Variants in PPIL4 observed in about 807,000 individuals in gnomAD.
PPIL4 encodes peptidylprolyl isomerase like 4.
In PPIL4, 50 loss-of-function variants were observed where a neutral mutation model predicts 69.1. That is an observed-to-expected ratio of 0.72 (90% CI 0.58 to 0.92). The LOEUF is 0.92. Among genes scored for constraint, PPIL4 ranks in the 40% least tolerant of loss-of-function variants. The pLI is 0.00. For missense variants in PPIL4, 480 were observed against 587.9 expected (o/e 0.82, Z 1.90); for synonymous variants, 193 against 191.6 (o/e 1.01, Z -0.06).
At chr6:149,513,857 G>C (rs1262339490) in intron 11 of PPIL4, among the ~76,000 whole-genome samples, 1 of 152,158 alleles carries the variant, frequency 6.6e-6, no homozygotes, top group African/African-American at 2.4e-5. Context: ...AAATATAAAA[G>C]AGTTACGATT....
chr6:149,510,941 G>A (rs1392199190), intron 12 of PPIL4, among the ~76,000 whole-genome samples: 1 of 151,968 alleles, frequency 6.6e-6, no homozygotes, highest in Non-Finnish European at 1.5e-5. Flanking sequence ...CAAAATGCCT[G>A]TGAAGTATTT....
At chr6:149,529,633 C>T (rs554592701) in intron 7 of PPIL4, among the ~76,000 whole-genome samples, 13 of 151,028 alleles carry the variant, frequency 8.6e-5, no homozygotes, top group Admixed American at 2.0e-4. Context: ...CGCGGTGGCA[C>T]GTGCCTGTAG....
chr6:149,534,884 A>C (rs1202613164), intron 5 of PPIL4, 110 bp from the exon 6 acceptor site: 4 of 607,806 alleles, frequency 6.6e-6, no homozygotes, highest in Admixed American at 3.3e-5. Context: ...GCCAAAAAAA[A>C]CCCATATTGC....
At chr6:149,513,385 C>G (rs1273852211) in intron 11 of PPIL4, among the ~76,000 whole-genome samples, 1 of 41,538 alleles carries the variant, frequency 2.4e-5, no homozygotes, top group Non-Finnish European at 3.4e-5. Flanking sequence ...GACTCAGTCT[C>G]AAAAAAAAAA....
intron 9 of PPIL4, among the ~76,000 whole-genome samples, chr6:149,523,288 T>TA (rs924796809): frequency 6.7e-6 from 1 of 149,910 alleles, no homozygotes; most frequent in African/African-American, 2.5e-5. Context: ...TCCTGTCCCT[T>TA]AAAAAACAAA....
chr6:149,505,736 CA>C, intron 12 of PPIL4, 32 bp from the exon 13 acceptor site: 1 of 1,586,678 alleles, frequency 6.3e-7, no homozygotes, highest in East Asian at 2.2e-5. Context: ...ACAAGTGAAT[CA>C]GTAAAATAAT....
chr6:149,519,989 T>C (rs561021560), intron 10 of PPIL4, among the ~76,000 whole-genome samples: 1 of 152,326 alleles, frequency 6.6e-6, no homozygotes, highest in Admixed American at 6.5e-5. Flanking sequence ...AGCAATGTAT[T>C]TGACATATAT....
At position 149,534,717 on chromosome 6, in the gene PPIL4, G is replaced by T. The variant is rs548452548; in HGVS notation, c.522C>A (p.Ile174=). Residue 174 remains isoleucine (I), a synonymous_variant, in exon 6 of 13, where the codon ATC becomes ATA. Coordinates refer to ENST00000253329, the MANE Select transcript of PPIL4 (RefSeq NM_139126.4). ...DPFDDPPDLL[I]PDRSPEPTRE... ...TTGTAGGTTCTGGTGATCGATCAGGGATTAATAAATCAGGAGGGTCATCAA... is the reference window on the plus strand; with the variant it reads ...TTGTAGGTTCTGGTGATCGATCAGGTATTAATAAATCAGGAGGGTCATCAA... 1.1e-4 allele frequency: 179 copies of T among 1,596,304 alleles called. 1 individual carries two copies. The South Asian group carries it at 1.8e-3, about 16-fold the overall frequency.
At position 149,526,652 on chromosome 6, in the gene PPIL4, CT is replaced by C; in HGVS notation, c.802del (p.Ser268ValfsTer39). On this transcript the variant is annotated frameshift_variant and splice_region_variant, in exon 8 of 13. Transcript: ENST00000253329. LOFTEE classifies it high-confidence loss of function. ...CTCTTTCACTAATTCTAAGGATTAC[CT>C]TCTTATTGGCCCAAATCTAGAGAAT... ...IIFSRFGPIR[S>X]CEVIRDWKTG... is the part of the protein sequence containing the mutation. 6.2e-7 allele frequency: 1 copy of C among 1,606,226 alleles called. No homozygotes were observed. The highest frequency in any genetic ancestry group is 2.2e-5 in the East Asian group (1 of 44,622).
chr6:149,529,625 C>G lies in PPIL4; in HGVS notation c.679-2849G>C, dbSNP rs182104945. Among the ~76,000 whole-genome samples, 946 of 147,238 alleles carry G rather than the reference C, an allele frequency of 6.4e-3. 12 individuals are homozygous for G. Among genetic ancestry groups the G allele is most frequent in the African/African-American group, 0.023 (900 of 39,820 alleles). Reference sequence around the variant, plus strand: ...AAAATACAAAATAATTAGCCGGGCGCGGTGGCACGTGCCTGTAGTCCCAGC... The same window carrying G: ...AAAATACAAAATAATTAGCCGGGCGGGGTGGCACGTGCCTGTAGTCCCAGC... On this transcript the variant is annotated intron_variant, in intron 7 of 12. Coordinates refer to ENST00000253329, the MANE Select transcript of PPIL4 (RefSeq NM_139126.4).
intron 12 of PPIL4, among the ~76,000 whole-genome samples, chr6:149,510,300 A>C (rs1027005720): frequency 4.6e-5 from 7 of 152,216 alleles, no homozygotes; most frequent in Admixed American, 6.5e-5. Flanking sequence ...AGTTACCCAC[A>C]GAGGGAAGAA....
In PPIL4 at chr6:149,535,652, A is replaced by C; in HGVS notation, c.408T>G (p.Ile136Met). 1 of 1,611,962 alleles carries C rather than the reference A, an allele frequency of 6.2e-7. No homozygotes were observed. Among genetic ancestry groups the C allele is most frequent in the Non-Finnish European group, 8.5e-7 (1 of 1,178,164 alleles). ...CAACAAAGGTCTCATTAATTTTCTT[A>C]ATTATGTCCATGCCTTCTGTCACCT... ...FGEVTEGMDI[I>M]KKINETFVDK... Residue 136 changes from isoleucine (I) to methionine (M), a missense_variant, in exon 5 of 13, where the codon ATT (isoleucine) becomes ATG (methionine). Ile to Met is a conservative substitution (Grantham distance 10). Coordinates refer to ENST00000253329, the MANE Select transcript of PPIL4 (RefSeq NM_139126.4).
Position 149,535,608 on chromosome 6 carries a change from T to A in PPIL4, c.452A>T (p.Tyr151Phe), listed in dbSNP as rs1777264659. The A allele has an allele frequency of 6.2e-7, 1 of 1,610,824 alleles. No homozygotes were observed. Among genetic ancestry groups the A allele is most frequent in the African/African-American group, 1.3e-5 (1 of 74,798 alleles). Residue 151 changes from tyrosine to phenylalanine, a missense_variant, in exon 5 of 13, where the codon TAT (tyrosine) becomes TTT (phenylalanine). Physicochemically the swap from Tyr to Phe is conservative, Grantham distance 22. Coordinates refer to ENST00000253329, the MANE Select transcript of PPIL4 (RefSeq NM_139126.4). The part of the protein sequence containing the change: ...ETFVDKDFVP[Y>F]QDIRINHTVI... ...ATTGTAACCATACCTGATATCCTGATATGGTACAAAGTCCTTGTCAACAAA... is the reference window on the plus strand; with the variant it reads ...ATTGTAACCATACCTGATATCCTGAAATGGTACAAAGTCCTTGTCAACAAA...
In PPIL4 at chr6:149,535,745, A is replaced by G. The variant is rs1184356280; in HGVS notation, c.322-7T>C. ...CTCCTGTGGTGATAAGAAACTATAAAGAAGGACACATAATAAATACCATAA... is the reference window on the plus strand; with the variant it reads ...CTCCTGTGGTGATAAGAAACTATAAGGAAGGACACATAATAAATACCATAA... On this transcript the variant is annotated splice_region_variant and splice_polypyrimidine_tract_variant and intron_variant, in intron 4 of 12. Coordinates refer to ENST00000253329, the MANE Select transcript of PPIL4 (RefSeq NM_139126.4). 1.9e-6 allele frequency: 3 copies of G among 1,576,254 alleles called. No homozygotes were observed. The highest frequency in any genetic ancestry group is 2.6e-6 in the Non-Finnish European group (3 of 1,152,790).
intron 7 of PPIL4, among the ~76,000 whole-genome samples, chr6:149,532,926 T>C (rs1004629831): frequency 1.3e-5 from 2 of 152,218 alleles, no homozygotes; most frequent in East Asian, 1.9e-4. Context: ...ATCTATGATA[T>C]GACAGGTATG....
At chr6:149,511,942 ATTAAG>A (rs1233709765) in intron 12 of PPIL4, among the ~76,000 whole-genome samples, 1 of 152,238 alleles carries the variant, frequency 6.6e-6, no homozygotes, top group East Asian at 1.9e-4. Flanking sequence ...TATTTGATAC[ATTAAG>A]TTATGTCAAA....
At chr6:149,506,656 C>T (rs555166347) in intron 12 of PPIL4, among the ~76,000 whole-genome samples, 5 of 152,294 alleles carry the variant, frequency 3.3e-5, no homozygotes, top group Admixed American at 6.5e-5. Flanking sequence ...TGCAGTGGCA[C>T]GATCATGGCT....
At chr6:149,525,959 C>A (rs1350039110) in intron 8 of PPIL4, among the ~76,000 whole-genome samples, 2 of 151,980 alleles carry the variant, frequency 1.3e-5, no homozygotes, top group African/African-American at 4.8e-5. Context: ...ATTAGCTGGG[C>A]GTGTTGGCGC....
chr6:149,519,133 G>C (rs1440347726), intron 10 of PPIL4, among the ~76,000 whole-genome samples: 1 of 152,156 alleles, frequency 6.6e-6, no homozygotes, highest in East Asian at 1.9e-4. Flanking sequence ...CAAGAAAGTA[G>C]TAGTATTTAT....
Sources: allele counts gnomAD v4.1 joint callset (sites outside exome capture counted in the v4.1 genomes callset), GRCh38; gene constraint gnomAD v4.1.1; transcripts MANE v1.5; gene names NCBI Gene and HGNC (gene_info 2026-07-23, HGNC 2026-07-21).